The following STPG4 variants were observed in gnomAD, a reference collection of about 807,000 sequenced individuals.
STPG4 encodes the protein sperm-tail PG-rich repeat containing 4, also known as protein STPG4.
STPG4 carries 41 observed loss-of-function variants against 31.5 expected under a neutral mutation model. The ratio of observed to expected loss-of-function variants is 1.30; its 90% CI spans 1.01 to 1.69. The LOEUF (loss-of-function observed/expected upper bound fraction) is 1.69, where lower values mean the gene tolerates loss of function less well. Among genes scored for constraint, STPG4 ranks in the 40% most tolerant of loss-of-function variants. The pLI, the probability that STPG4 is intolerant of heterozygous loss-of-function variation, is 0.00. For synonymous variants in STPG4, 141 were observed against 103.0 expected (o/e 1.37, Z -2.24); for missense variants, 375 against 293.4 (o/e 1.28, Z -2.03).
intron 5 of STPG4, among the ~76,000 whole-genome samples, chr2:47,091,995 A>T (rs1685577798): frequency 6.7e-6 from 1 of 149,718 alleles, no homozygotes; most frequent in Non-Finnish European, 1.5e-5. Flanking sequence ...CTACTCCCAA[A>T]TGTCATTAAG....
chr2:47,133,615 T>G (rs1686535268), intron 3 of STPG4, among the ~76,000 whole-genome samples: 1 of 141,278 alleles, frequency 7.1e-6, no homozygotes, highest in Admixed American at 7.4e-5. Context: ...TTGGCTCTTG[T>G]CGCCCAGGCT....
chr2:47,147,791 C>T (rs905904423), intron 3 of STPG4, among the ~76,000 whole-genome samples: 4 of 151,812 alleles, frequency 2.6e-5, no homozygotes, highest in Non-Finnish European at 5.9e-5. Context: ...AAGGTGGTCC[C>T]GTTTGTGTAC....
chr2:47,096,178 A>G (rs1312968488), intron 5 of STPG4, among the ~76,000 whole-genome samples: 1 of 152,240 alleles, frequency 6.6e-6, no homozygotes, highest in Admixed American at 6.5e-5. Context: ...CATCCTAGCA[A>G]GGAAGGCATA....
chr2:47,097,633 G>A (rs913901175), intron 5 of STPG4, among the ~76,000 whole-genome samples: 1 of 152,142 alleles, frequency 6.6e-6, no homozygotes, highest in African/African-American at 2.4e-5. Flanking sequence ...CACCATCTAT[G>A]AGGAAGGGGC....
intron 5 of STPG4, among the ~76,000 whole-genome samples, chr2:47,107,963 G>A (rs11125120): frequency 0.23 from 33,124 of 144,860 alleles, 3,887 homozygotes; most frequent in Admixed American, 0.3. Flanking sequence ...TACACCAATC[G>A]GCACTCTGTA....
chr2:47,088,225 G>A (rs990065051), intron 6 of STPG4, among the ~76,000 whole-genome samples: 1 of 152,010 alleles, frequency 6.6e-6, no homozygotes, highest in Non-Finnish European at 1.5e-5. Context: ...GATTACAGGG[G>A]TGCACCACCA....
At chr2:47,100,902 G>A (rs976108464) in intron 5 of STPG4, among the ~76,000 whole-genome samples, 9 of 151,828 alleles carry the variant, frequency 5.9e-5, no homozygotes, top group African/African-American at 2.2e-4. Context: ...CACCTTAAGA[G>A]CTGTAACACT....
intron 2 of STPG4, among the ~76,000 whole-genome samples, chr2:47,152,024 A>G (rs968567737): frequency 6.6e-6 from 1 of 151,998 alleles, no homozygotes; most frequent in African/African-American, 2.4e-5. Context: ...TGGCATCCCA[A>G]AGTGCTGGGA....
Position 47,087,099 on chromosome 2 carries a change from A to C in STPG4, c.656T>G (p.Leu219Ter). Residue 219 changes from leucine to a stop codon, truncating the protein, a stop_gained, in exon 7 of 7, where the codon TTA becomes TGA. Coordinates refer to ENST00000445927, the MANE Select transcript of STPG4 (RefSeq NM_001163561.2). LOFTEE classifies it high-confidence loss of function. The part of the protein sequence containing the change: ...KTPGPGAYTT[L>*]RQFPKQSPTI... ...CGGAGACTGCTTAGGGAATTGTCTTAAAGTTGTATATGCTCCTGGGCCTGG... is the reference window on the plus strand; with the variant it reads ...CGGAGACTGCTTAGGGAATTGTCTTCAAGTTGTATATGCTCCTGGGCCTGG... 1.3e-6 allele frequency: 2 copies of C among 1,551,804 alleles called. No individual in the cohort carries two copies. The highest frequency in any genetic ancestry group is 1.2e-5 in the South Asian group (1 of 84,066).
At chr2:47,126,787 A>T (rs1421358275) in intron 5 of STPG4, among the ~76,000 whole-genome samples, 1 of 152,140 alleles carries the variant, frequency 6.6e-6, no homozygotes. Context: ...TACTGAATAT[A>T]CTATTCCAGG....
At chr2:47,153,620 T>C (rs1203955738) in intron 1 of STPG4, among the ~76,000 whole-genome samples, 1 of 152,172 alleles carries the variant, frequency 6.6e-6, no homozygotes, top group Non-Finnish European at 1.5e-5. Flanking sequence ...CTGGGCATGG[T>C]GGCACATGCC....
intron 5 of STPG4, among the ~76,000 whole-genome samples, chr2:47,109,901 C>T (rs933637449): frequency 2.6e-5 from 4 of 152,130 alleles, no homozygotes; most frequent in Non-Finnish European, 4.4e-5. Context: ...CTGATACTTT[C>T]GAACTTTTAA....
At chr2:47,135,630 A>C (rs753018288) in intron 3 of STPG4, among the ~76,000 whole-genome samples, 1 of 152,136 alleles carries the variant, frequency 6.6e-6, no homozygotes, top group Non-Finnish European at 1.5e-5. Flanking sequence ...CAAGTGATCC[A>C]TCTGCCTCGG....
chr2:47,124,045 C>T (rs764453029), intron 5 of STPG4, among the ~76,000 whole-genome samples: 5 of 151,970 alleles, frequency 3.3e-5, no homozygotes, highest in African/African-American at 4.8e-5. Flanking sequence ...TGCAGTGGCG[C>T]GATCTCAGCT....
intron 5 of STPG4, among the ~76,000 whole-genome samples, chr2:47,102,714 C>G (rs1053643915): frequency 6.6e-6 from 1 of 150,952 alleles, no homozygotes; most frequent in Non-Finnish European, 1.5e-5. Context: ...GCAAAGAAAT[C>G]TCCAAAGGAC....
At chr2:47,093,454 G>A (rs140829074) in intron 5 of STPG4, among the ~76,000 whole-genome samples, 1 of 152,310 alleles carries the variant, frequency 6.6e-6, no homozygotes, top group Non-Finnish European at 1.5e-5. Context: ...CTCTCAGTTT[G>A]GCCATAAAGA....
intron 3 of STPG4, among the ~76,000 whole-genome samples, chr2:47,146,385 A>G (rs538371385): frequency 1.2e-4 from 19 of 152,274 alleles, no homozygotes; most frequent in African/African-American, 4.1e-4. Flanking sequence ...CCAAAACGTC[A>G]GCAGTGCCAA....
intron 5 of STPG4, among the ~76,000 whole-genome samples, chr2:47,115,109 A>G (rs1686119860): frequency 6.6e-6 from 1 of 152,120 alleles, no homozygotes; most frequent in South Asian, 2.1e-4. Flanking sequence ...CCTGGAGTCA[A>G]TTAGTGCCTC....
chr2:47,148,198 C>T (rs890459249), intron 3 of STPG4, among the ~76,000 whole-genome samples: 10 of 152,170 alleles, frequency 6.6e-5, no homozygotes, highest in Admixed American at 3.3e-4. Flanking sequence ...CCACCTGCCT[C>T]GGCCTCCCAA....
Sources: allele counts gnomAD v4.1 joint callset (sites outside exome capture counted in the v4.1 genomes callset), GRCh38; gene constraint gnomAD v4.1.1; transcripts MANE v1.5; gene names NCBI Gene and HGNC (gene_info 2026-07-23, HGNC 2026-07-21).